The following SCAPER variants were observed in gnomAD, a reference collection of about 807,000 sequenced individuals.
SCAPER encodes S phase cyclin A-associated protein in the endoplasmic reticulum.
Under a neutral mutation model 182.2 loss-of-function variants are expected in SCAPER, and 98 were observed. The ratio of observed to expected loss-of-function variants is 0.54; its 90% CI spans 0.46 to 0.64. The LOEUF is 0.64. SCAPER is among the 30% of genes least tolerant of loss of function. The probability of loss-of-function intolerance (pLI) is 0.00; values close to 1 mark genes in which losing one functional copy is unlikely to be tolerated. For synonymous variants in SCAPER, 605 were observed against 564.6 expected (o/e 1.07, Z -1.01); for missense variants, 1,432 against 1,690.0 (o/e 0.85, Z 2.68).
intron 21 of SCAPER, among the ~76,000 whole-genome samples, chr15:76,622,881 G>A (rs994335200): frequency 2.0e-5 from 3 of 152,108 alleles, no homozygotes; most frequent in Admixed American, 6.6e-5. Flanking sequence ...GTTGGAAGTC[G>A]GGCCCAATGA....
At chr15:76,870,846 C>T (rs559405714) in intron 2 of SCAPER, among the ~76,000 whole-genome samples, 5 of 151,866 alleles carry the variant, frequency 3.3e-5, no homozygotes, top group African/African-American at 4.8e-5. Flanking sequence ...GATCATACCA[C>T]GAATCAATAG....
intron 23 of SCAPER, among the ~76,000 whole-genome samples, chr15:76,525,988 G>A (rs761316982): frequency 5.3e-5 from 8 of 152,130 alleles, no homozygotes; most frequent in African/African-American, 9.7e-5. Context: ...CAGAGTAGAC[G>A]CATTCCTTTT....
chr15:76,757,147 AC>A (rs540218304), intron 14 of SCAPER, among the ~76,000 whole-genome samples: 14 of 152,032 alleles, frequency 9.2e-5, no homozygotes, highest in Non-Finnish European at 1.9e-4. Flanking sequence ...CCAGGAATAA[AC>A]CCAATGTTTC....
intron 4 of SCAPER, among the ~76,000 whole-genome samples, chr15:76,843,048 T>C (rs2069635163): frequency 6.6e-6 from 1 of 152,248 alleles, no homozygotes. Flanking sequence ...ACGCTAATCT[T>C]ATGAAATTAT....
rs1030915915 is a variant in SCAPER, at chr15:76,397,542, G to A, written c.3467+6982C>T. 9.7e-5 allele frequency among the ~76,000 whole-genome samples: 14 copies of A among 144,150 alleles called. No homozygotes were observed. The East Asian group carries it at 2.1e-3, about 22-fold the overall frequency. 94.6% of individuals were successfully genotyped at this position (144,150 alleles called of 152,430 possible). A position where few individuals can be genotyped will look rare whatever the true frequency, so the allele number is the denominator to read the frequency against. ...GTTGCCCAGGCTGGAGTGCAGTGGC[G>A]TGATCTTGGCTCACCGCAACCTCCA... On this transcript the variant is annotated intron_variant, in intron 27 of 31. Coordinates refer to ENST00000563290, the MANE Select transcript of SCAPER (RefSeq NM_020843.4).
At chr15:76,844,493 G>T (rs1356170422) in intron 4 of SCAPER, among the ~76,000 whole-genome samples, 1 of 152,032 alleles carries the variant, frequency 6.6e-6, no homozygotes, top group Non-Finnish European at 1.5e-5. Context: ...AGAAAAGAGA[G>T]AAGACCCAAA....
chr15:76,600,853 C>T (rs551232334), intron 22 of SCAPER, among the ~76,000 whole-genome samples: 1 of 120,394 alleles, frequency 8.3e-6, no homozygotes, highest in South Asian at 2.5e-4. Flanking sequence ...TATGAAAACA[C>T]AGTAAGAAGG....
chr15:76,890,050 C>T (rs977515250), intron 1 of SCAPER, among the ~76,000 whole-genome samples: 3 of 152,256 alleles, frequency 2.0e-5, no homozygotes, highest in Non-Finnish European at 4.4e-5. Flanking sequence ...AACTGAACAA[C>T]CTGCTCCTGA....
rs35039615 is a variant in SCAPER, at chr15:76,405,109, CT to C, written c.3312-431del. 2.7e-3 allele frequency among the ~76,000 whole-genome samples: 308 copies of C among 112,408 alleles called. 3 individuals are homozygous for C. In the East Asian group the frequency reaches 0.047, roughly 17 times the overall value. The allele number at this position is 112,408 out of a possible 152,430, so 73.7% of individuals were successfully genotyped here. A position where few individuals can be genotyped will look rare whatever the true frequency, so the allele number is the denominator to read the frequency against. The stretch of plus-strand genomic sequence containing the variant: ...TCAGACACTCTTGTTACAACTTACA[CT>C]TTTTTTTTTTTTTTTTTTTTTAGAG... On this transcript the variant is annotated intron_variant, in intron 26 of 31. Coordinates refer to ENST00000563290, the MANE Select transcript of SCAPER (RefSeq NM_020843.4).
chr15:76,361,349 C>T (rs1325889089), intron 29 of SCAPER, among the ~76,000 whole-genome samples: 1 of 152,216 alleles, frequency 6.6e-6, no homozygotes, highest in African/African-American at 2.4e-5. Flanking sequence ...TGCTGAGCAT[C>T]TACTCTAGCC....
chr15:76,413,478 T>A (rs573412868), intron 26 of SCAPER, among the ~76,000 whole-genome samples: 6 of 152,340 alleles, frequency 3.9e-5, no homozygotes, highest in Non-Finnish European at 8.8e-5. Flanking sequence ...CAGGAGATAA[T>A]CCTCAAAAGG....
At chr15:76,626,398 G>A (rs1412339435) in intron 21 of SCAPER, among the ~76,000 whole-genome samples, 1 of 152,184 alleles carries the variant, frequency 6.6e-6, no homozygotes, top group Admixed American at 6.5e-5. Context: ...GCAGAAGGAA[G>A]AAGATGACAT....
At chr15:76,776,939 A>G (rs2063779311) in intron 8 of SCAPER, among the ~76,000 whole-genome samples, 1 of 152,212 alleles carries the variant, frequency 6.6e-6, no homozygotes, top group Non-Finnish European at 1.5e-5. Context: ...AATGGCTGAA[A>G]AATTCCTAAA....
At chr15:76,836,679 C>CTGG (rs1303760300) in intron 5 of SCAPER, among the ~76,000 whole-genome samples, 1 of 152,080 alleles carries the variant, frequency 6.6e-6, no homozygotes, top group Non-Finnish European at 1.5e-5. Flanking sequence ...TGAGACCATT[C>CTGG]TGGCTAACAT....
At chr15:76,591,592 G>T (rs2049114813) in intron 22 of SCAPER, among the ~76,000 whole-genome samples, 1 of 152,140 alleles carries the variant, frequency 6.6e-6, no homozygotes, top group Admixed American at 6.5e-5. Flanking sequence ...TTTCTGAGTA[G>T]CTGGGATTAC....
At chr15:76,723,860 G>A (rs2060417555) in intron 17 of SCAPER, among the ~76,000 whole-genome samples, 1 of 152,134 alleles carries the variant, frequency 6.6e-6, no homozygotes, top group Non-Finnish European at 1.5e-5. Context: ...CACACTGATG[G>A]GTCTTGACTC....
intron 25 of SCAPER, among the ~76,000 whole-genome samples, chr15:76,439,180 A>C (rs1443473217): frequency 6.6e-6 from 1 of 151,816 alleles, no homozygotes; most frequent in East Asian, 1.9e-4. Flanking sequence ...CCACCTCCCC[A>C]GTTCAAGCAA....
At chr15:76,591,636 A>AT (rs908118112) in intron 22 of SCAPER, among the ~76,000 whole-genome samples, 25 of 151,990 alleles carry the variant, frequency 1.6e-4, no homozygotes, top group Admixed American at 5.2e-4. Context: ...TACTTTTTGC[A>AT]TTTTTTTTGT....
At chr15:76,426,363 G>A (rs773544793) in intron 26 of SCAPER, among the ~76,000 whole-genome samples, 80 of 152,308 alleles carry the variant, frequency 5.3e-4, no homozygotes, top group Middle Eastern at 3.4e-3. Flanking sequence ...TCAGACTGCT[G>A]TGCTAGCAAT....
Sources: gnomAD v4.1 joint callset for allele counts (sites outside exome capture counted in the v4.1 genomes callset) on GRCh38, gnomAD v4.1.1 for gene constraint, MANE v1.5 for transcripts, NCBI Gene and HGNC (gene_info 2026-07-23, HGNC 2026-07-21) for gene names.